EPB41L5: variants seen among roughly 807,000 people sequenced by gnomAD.
EPB41L5 encodes the protein band 4.1-like protein 5.
A neutral mutation model predicts 106.6 loss-of-function variants in EPB41L5; 55 were observed. The observed-to-expected ratio is 0.52, with a 90% CI of 0.42 to 0.65. The LOEUF is 0.65. Ranked by LOEUF, EPB41L5 falls within the 30% of genes least tolerant of loss-of-function variation. EPB41L5 has a pLI of 0.00. For synonymous variants in EPB41L5, 297 were observed against 306.7 expected, an observed-to-expected ratio of 0.97 and a Z score of 0.33; for missense variants, 871 against 882.1, an observed-to-expected ratio of 0.99 and a Z score of 0.16.
Position 120,078,561 on chromosome 2 carries a change from C to T in EPB41L5, c.783C>T (p.Thr261=), listed in dbSNP as rs1682414167. 1.9e-6 allele frequency: 3 copies of T among 1,604,318 alleles called. No homozygotes were observed. The highest frequency in any genetic ancestry group is 2.6e-6 in the Non-Finnish European group (3 of 1,175,316). ...PTGVLVFEGD[T]KIGLFFWPKI... is the part of the protein sequence containing the mutation. ...GAGTCCTTGTTTTTGAAGGAGATAC[C>T]AAAATTGGCTTATTTTTTTGGTAAG... The change falls in exon 10 of 25, where the codon ACC becomes ACT. Residue 261 remains threonine, a synonymous_variant. Transcript: ENST00000263713.
At chr2:120,146,375 C>A in intron 20 of EPB41L5, 86 bp downstream of exon 20, 1 of 959,066 alleles carries the variant, frequency 1.0e-6, no homozygotes, top group Non-Finnish European at 1.6e-6. Context: ...CACATGGTTT[C>A]AGGATGTCTG....
intron 18 of EPB41L5, among the ~76,000 whole-genome samples, chr2:120,136,228 A>G (rs1285187398): frequency 1.3e-5 from 2 of 150,732 alleles, no homozygotes; most frequent in African/African-American, 2.4e-5. Context: ...TGCAAACCTC[A>G]TGGTAACCTC....
chr2:120,175,031 C>T lies in EPB41L5; in HGVS notation c.*124C>T. The T allele has an allele frequency of 1.1e-6, 1 of 916,622 alleles. No individual in the cohort carries two copies. The highest frequency in any genetic ancestry group is 1.3e-5 in the South Asian group (1 of 74,952). 56.8% of individuals were successfully genotyped at this position (916,622 alleles called of 1,614,324 possible). A position where few individuals can be genotyped will look rare whatever the true frequency, so the allele number is the denominator to read the frequency against. On this transcript the variant is annotated 3_prime_UTR_variant, in exon 25 of 25. Coordinates refer to ENST00000263713, the MANE Select transcript of EPB41L5 (RefSeq NM_020909.4). The stretch of plus-strand genomic sequence containing the variant: ...TAAAAAAAGCTGCACGTAGATTTGA[C>T]TTCAACTCCGTAAAAAAGACAGCTG...
intron 3 of EPB41L5, among the ~76,000 whole-genome samples, chr2:120,064,471 A>T (rs567362004): frequency 1.3e-5 from 2 of 152,126 alleles, no homozygotes; most frequent in African/African-American, 4.8e-5. Context: ...GAGGGTATGT[A>T]TATGTTAGTG....
At position 120,162,113 on chromosome 2, in the gene EPB41L5, C is replaced by T. The variant is rs140455571; in HGVS notation, c.1887+1139C>T. The stretch of plus-strand genomic sequence containing the variant: ...GCAAAGTGCTGGGATTATAGGCAGC[C>T]TAAGTGTCTCCAATAGTACCTGGTA... On this transcript the variant is annotated intron_variant, in intron 21 of 24. Transcript: ENST00000263713. Among the ~76,000 whole-genome samples, 5 of 152,254 alleles carry T rather than the reference C, an allele frequency of 3.3e-5. No homozygotes were observed. The South Asian group carries it at 1.0e-3, about 32-fold the overall frequency.
Position 120,174,302 on chromosome 2 carries a change from C to G in EPB41L5, c.2136-539C>G, listed in dbSNP as rs543946342. 6.6e-5 allele frequency among the ~76,000 whole-genome samples: 10 copies of G among 152,154 alleles called. No homozygotes were observed. The South Asian group carries it at 2.1e-3, about 32-fold the overall frequency. On this transcript the variant is annotated intron_variant, in intron 24 of 24. Transcript: ENST00000263713. Reference sequence around the variant, plus strand: ...GAAACCCCATCTCTACAGAAAAATACAAAAATTAGCCAGGCATGTTGGCAC... The same window carrying G: ...GAAACCCCATCTCTACAGAAAAATAGAAAAATTAGCCAGGCATGTTGGCAC...
At chr2:120,156,705 A>G (rs1318665499) in intron 20 of EPB41L5, among the ~76,000 whole-genome samples, 1 of 152,206 alleles carries the variant, frequency 6.6e-6, no homozygotes, top group Non-Finnish European at 1.5e-5. Flanking sequence ...TGTATTACAT[A>G]ACAGTAAAGG....
In EPB41L5 at chr2:120,013,137, G is replaced by A. The variant is rs1206676914; in HGVS notation, c.-82G>A. On this transcript the variant is annotated 5_prime_UTR_variant, in exon 1 of 25. Coordinates refer to ENST00000263713, the MANE Select transcript of EPB41L5 (RefSeq NM_020909.4). ...GGCGCCATTTCTCGGCGTCTACCGA[G>A]GAGCCGCCCCTTTCTCAGCCTTGCT... 1.3e-5 allele frequency: 2 copies of A among 152,266 alleles called. No homozygotes were observed. Among genetic ancestry groups the A allele is most frequent in the African/African-American group, 4.8e-5 (2 of 41,456 alleles). The allele number at this position is 152,266 out of a possible 1,614,324, so 9.4% of individuals were successfully genotyped here.
chr2:120,130,859 C>A (rs1685657673), intron 17 of EPB41L5, among the ~76,000 whole-genome samples: 1 of 152,140 alleles, frequency 6.6e-6, no homozygotes, highest in South Asian at 2.1e-4. Flanking sequence ...TTCAAAGTTT[C>A]CCCCTCTTTT....
chr2:120,046,061 T>TA (rs989296982), intron 3 of EPB41L5, among the ~76,000 whole-genome samples: 20 of 74,828 alleles, frequency 2.7e-4, no homozygotes, highest in African/African-American at 6.2e-4. Flanking sequence ...CTATCATTGA[T>TA]GGGGTTTGGG....
At chr2:120,075,592 T>G (rs771935074) in intron 6 of EPB41L5, 72 bp downstream of exon 6, 1 of 1,423,212 alleles carries the variant, frequency 7.0e-7, no homozygotes, top group Non-Finnish European at 9.9e-7. Flanking sequence ...AAAATAAGTT[T>G]ATAGTTGTAA....
At chr2:120,100,092 GT>G (rs1332149283) in intron 14 of EPB41L5, 151 bp from the exon 15 acceptor site, 2 of 592,772 alleles carry the variant, frequency 3.4e-6, no homozygotes, top group African/African-American at 3.7e-5. Context: ...GACATTCTTA[GT>G]TTTAGGTACT....
chr2:120,106,345 C>T, intron 16 of EPB41L5: 5 of 985,108 alleles, frequency 5.1e-6, no homozygotes, highest in Non-Finnish European at 6.0e-6. Flanking sequence ...AATTTCATAT[C>T]AAATATTGCA....
At chr2:120,044,094 C>G (rs1268084448) in intron 3 of EPB41L5, among the ~76,000 whole-genome samples, 1 of 149,440 alleles carries the variant, frequency 6.7e-6, no homozygotes, top group Non-Finnish European at 1.5e-5. Flanking sequence ...GAGCTGTGAT[C>G]ATGCCACTGC....
chr2:120,045,506 A>T (rs549218649), intron 3 of EPB41L5, among the ~76,000 whole-genome samples: 6 of 152,076 alleles, frequency 3.9e-5, no homozygotes, highest in Non-Finnish European at 5.9e-5. Flanking sequence ...AAGCAAGCAC[A>T]CTTCACAACT....
intron 20 of EPB41L5, among the ~76,000 whole-genome samples, chr2:120,154,607 C>T (rs1457196514): frequency 1.3e-5 from 2 of 151,912 alleles, no homozygotes. Flanking sequence ...GTGTTTCTGC[C>T]CCTTTATTTT....
chr2:120,065,543 C>T (rs1298720117), intron 3 of EPB41L5, among the ~76,000 whole-genome samples: 4 of 138,436 alleles, frequency 2.9e-5, no homozygotes, highest in Non-Finnish European at 3.0e-5. Context: ...GATGGAGTCT[C>T]GCTCACTCTG....
chr2:120,109,704 ACAT>A lies in EPB41L5; in HGVS notation c.1337+8894_1337+8896del, dbSNP rs1428416331. 6.6e-5 allele frequency among the ~76,000 whole-genome samples: 10 copies of A among 152,342 alleles called. No individual in the cohort carries two copies. The South Asian group carries it at 2.1e-3, about 32-fold the overall frequency. ...GAACAAAAACTTCCTAAGATAGCTC[ACAT>A]CATTTAAAAAAGAACTCCCTTGAAT... On this transcript the variant is annotated intron_variant, in intron 16 of 24. Coordinates refer to ENST00000263713, the MANE Select transcript of EPB41L5 (RefSeq NM_020909.4).
At chr2:120,114,983 G>C (rs967459822) in intron 16 of EPB41L5, among the ~76,000 whole-genome samples, 2 of 152,116 alleles carry the variant, frequency 1.3e-5, no homozygotes, top group African/African-American at 4.8e-5. Context: ...ATATTTTCTT[G>C]ATGATTTTCC....
Sources: gnomAD v4.1 joint callset for allele counts (sites outside exome capture counted in the v4.1 genomes callset) on GRCh38, gnomAD v4.1.1 for gene constraint, MANE v1.5 for transcripts, NCBI Gene and HGNC (gene_info 2026-07-23, HGNC 2026-07-21) for gene names.